Variants in THSD7B observed in about 807,000 individuals in gnomAD.
The protein encoded by THSD7B is thrombospondin type-1 domain-containing protein 7B.
A neutral mutation model predicts 213.6 loss-of-function variants in THSD7B; 138 were observed. The ratio of observed to expected loss-of-function variants is 0.65; its 90% CI spans 0.56 to 0.74. The LOEUF (loss-of-function observed/expected upper bound fraction) is 0.74. Among genes scored for constraint, THSD7B ranks in the 30% least tolerant of loss-of-function variants. THSD7B has a pLI of 0.00. For synonymous variants in THSD7B, 742 were observed against 687.0 expected (o/e 1.08, Z -1.25); for missense variants, 1,931 against 1,991.5 (o/e 0.97, Z 0.58).
At chr2:137,218,966 T>A (rs1333567888) in intron 7 of THSD7B, among the ~76,000 whole-genome samples, 1 of 130,500 alleles carries the variant, frequency 7.7e-6, no homozygotes, top group Admixed American at 7.7e-5. Context: ...CATACTTTTT[T>A]TTCAACTGAG....
chr2:137,164,943 G>A (rs1680095421), intron 6 of THSD7B, among the ~76,000 whole-genome samples: 1 of 152,146 alleles, frequency 6.6e-6, no homozygotes, highest in African/African-American at 2.4e-5. Flanking sequence ...ACGAGTTAAT[G>A]GGTGCAGCCC....
Position 137,411,553 on chromosome 2 carries a change from C to G in THSD7B, c.2696-56C>G, listed in dbSNP as rs878962369. ...ATTACAAATACAAAAGTGTGAGTGA[C>G]TTTTAACAAAACAGCAGATAAGCAT... On this transcript the variant is annotated intron_variant, in intron 13 of 27. Transcript: ENST00000409968. 4.0e-6 allele frequency: 6 copies of G among 1,502,662 alleles called. No homozygotes were observed. The African/African-American group carries it at 7.0e-5, about 18-fold the overall frequency. 93.1% of individuals were successfully genotyped at this position (1,502,662 alleles called of 1,614,324 possible).
chr2:136,781,933 C>T (rs1681750526), intron 1 of THSD7B, among the ~76,000 whole-genome samples: 1 of 152,084 alleles, frequency 6.6e-6, no homozygotes, highest in Non-Finnish European at 1.5e-5. Flanking sequence ...TGAAAATCAT[C>T]ATGCTATGCA....
At chr2:136,954,926 G>A (rs78477410) in intron 2 of THSD7B, among the ~76,000 whole-genome samples, 2,496 of 151,922 alleles carry the variant, frequency 0.016, 35 homozygotes, top group Middle Eastern at 0.021. Flanking sequence ...TGCTTAAATG[G>A]TTGCATGTAG....
intron 2 of THSD7B, among the ~76,000 whole-genome samples, chr2:137,029,528 A>T (rs1204308957): frequency 6.6e-6 from 1 of 152,204 alleles, no homozygotes; most frequent in Non-Finnish European, 1.5e-5. Context: ...ATATACAAAC[A>T]TACTTGTCAT....
At chr2:136,838,782 T>C (rs1253078961) in intron 1 of THSD7B, among the ~76,000 whole-genome samples, 1 of 152,174 alleles carries the variant, frequency 6.6e-6, no homozygotes, top group Non-Finnish European at 1.5e-5. Context: ...CAGACCTGAT[T>C]TGCATGTGCT....
At chr2:136,958,633 A>G (rs1382810463) in intron 2 of THSD7B, among the ~76,000 whole-genome samples, 2 of 152,216 alleles carry the variant, frequency 1.3e-5, no homozygotes, top group Admixed American at 1.3e-4. Context: ...GGAAGTTTAC[A>G]TTAGAGAAAG....
intron 2 of THSD7B, among the ~76,000 whole-genome samples, chr2:137,049,437 T>C (rs1270997113): frequency 6.6e-6 from 1 of 152,232 alleles, no homozygotes; most frequent in African/African-American, 2.4e-5. Flanking sequence ...GGTTCTTTGA[T>C]CTCATGCATT....
At chr2:137,519,927 A>G (rs1191262244) in intron 15 of THSD7B, among the ~76,000 whole-genome samples, 2 of 152,224 alleles carry the variant, frequency 1.3e-5, no homozygotes, top group Non-Finnish European at 2.9e-5. Flanking sequence ...GCAAGAGAAT[A>G]TAAAGTTTTC....
chr2:137,656,329 T>A (rs977126793), intron 22 of THSD7B, among the ~76,000 whole-genome samples: 2 of 152,046 alleles, frequency 1.3e-5, no homozygotes, highest in Non-Finnish European at 2.9e-5. Context: ...ATAAATTATA[T>A]TTCTTGAGTG....
intron 12 of THSD7B, among the ~76,000 whole-genome samples, chr2:137,301,007 G>A (rs1477246144): frequency 6.6e-6 from 1 of 152,068 alleles, no homozygotes; most frequent in African/African-American, 2.4e-5. Flanking sequence ...GTCCCTTATT[G>A]CAATTATCAT....
chr2:136,946,985 C>A (rs1455942834), intron 2 of THSD7B, among the ~76,000 whole-genome samples: 1 of 152,218 alleles, frequency 6.6e-6, no homozygotes, highest in African/African-American at 2.4e-5. Flanking sequence ...CCTCCATGGG[C>A]TGCACCCACT....
At chr2:137,362,256 C>A (rs1008676785) in intron 12 of THSD7B, among the ~76,000 whole-genome samples, 2 of 152,182 alleles carry the variant, frequency 1.3e-5, no homozygotes, top group Non-Finnish European at 2.9e-5. Context: ...AAAGTAACAA[C>A]CAGTACCAGC....
At chr2:137,462,910 A>T (rs1687914413) in intron 15 of THSD7B, among the ~76,000 whole-genome samples, 1 of 152,064 alleles carries the variant, frequency 6.6e-6, no homozygotes, top group Non-Finnish European at 1.5e-5. Context: ...TTGTATGCTG[A>T]GGTTGCTAAG....
chr2:136,772,102 T>G lies in THSD7B; in HGVS notation c.-36+6415T>G, dbSNP rs374480191. On this transcript the variant is annotated intron_variant, in intron 1 of 27. Coordinates refer to ENST00000409968, the MANE Select transcript of THSD7B (RefSeq NM_001316349.2). The stretch of plus-strand genomic sequence containing the variant: ...GTACCTTGTCTAAGGTGAATGCAAC[T>G]GGTAAACCACAGAGCCTAGATGTGT... Among the ~76,000 whole-genome samples, 27 of 150,944 alleles carry G rather than the reference T, an allele frequency of 1.8e-4. 1 individual carries two copies. The highest frequency in any genetic ancestry group is 1.3e-3 in the Admixed American group (20 of 15,224).
intron 15 of THSD7B, among the ~76,000 whole-genome samples, chr2:137,538,891 T>G (rs1034408019): frequency 2.6e-5 from 4 of 151,664 alleles, no homozygotes; most frequent in African/African-American, 7.2e-5. Flanking sequence ...ATGGTTAATA[T>G]AGCTCCAAAC....
intron 2 of THSD7B, among the ~76,000 whole-genome samples, chr2:137,034,847 C>A (rs1052591969): frequency 3.3e-5 from 5 of 152,082 alleles, no homozygotes; most frequent in Non-Finnish European, 5.9e-5. Flanking sequence ...AATTGATGGG[C>A]GTTTGGGTTG....
chr2:137,254,780 A>T (rs1573914507), intron 10 of THSD7B, among the ~76,000 whole-genome samples: 1 of 152,116 alleles, frequency 6.6e-6, no homozygotes, highest in Non-Finnish European at 1.5e-5. Context: ...TTCTACCCCA[A>T]GTAAATTGTA....
intron 1 of THSD7B, among the ~76,000 whole-genome samples, chr2:136,783,229 C>A (rs550108153): frequency 6.6e-6 from 1 of 152,064 alleles, no homozygotes; most frequent in Non-Finnish European, 1.5e-5. Context: ...TTATACCTGC[C>A]GTATACCTTG....
Sources: gnomAD v4.1 joint callset for allele counts (sites outside exome capture counted in the v4.1 genomes callset) on GRCh38, gnomAD v4.1.1 for gene constraint, MANE v1.5 for transcripts, NCBI Gene and HGNC (gene_info 2026-07-23, HGNC 2026-07-21) for gene names.